Variants in DOCK7 observed in about 807,000 individuals in gnomAD.
DOCK7 encodes dedicator of cytokinesis 7, also known as dedicator of cytokinesis protein 7.
DOCK7 carries 138 observed loss-of-function variants against 271.0 expected under a neutral mutation model. The observed-to-expected ratio is 0.51, with a 90% CI of 0.44 to 0.59. The LOEUF (loss-of-function observed/expected upper bound fraction) is 0.59, where lower values mean the gene tolerates loss of function less well. Among genes scored for constraint, DOCK7 ranks in the 20% least tolerant of loss-of-function variants. The probability of loss-of-function intolerance (pLI) is 0.00; values close to 1 mark genes in which losing one functional copy is unlikely to be tolerated. For missense variants in DOCK7, 2,066 were observed against 2,592.4 expected (o/e 0.80, Z 4.41); for synonymous variants, 823 against 876.1 (o/e 0.94, Z 1.07).
In DOCK7 at chr1:62,618,800, G is replaced by C; in HGVS notation, c.1588C>G (p.Gln530Glu). The change falls in exon 14 of 50, where the codon CAA (glutamine) becomes GAA (glutamate). Residue 530 changes from glutamine to glutamate, a missense_variant. Gln to Glu is a conservative substitution (Grantham distance 29, BLOSUM62 2). Transcript: ENST00000635253. Reference protein sequence around the residue: ...PHYCLTPELLQVKLYPDSRVR... With the variant: ...PHYCLTPELLEVKLYPDSRVR... ...CTACTGTCAGGGTAAAGCTTCACTTGAAGCAGCTCCGGAGTTAGGCAATAA... is the reference window on the plus strand; with the variant it reads ...CTACTGTCAGGGTAAAGCTTCACTTCAAGCAGCTCCGGAGTTAGGCAATAA... The C allele has an allele frequency of 6.2e-7, 1 of 1,613,744 alleles. No individual in the cohort carries two copies. The highest frequency in any genetic ancestry group is 1.1e-5 in the South Asian group (1 of 91,074).
At chr1:62,667,327 T>C (rs893476244) in intron 1 of DOCK7, among the ~76,000 whole-genome samples, 2 of 152,178 alleles carry the variant, frequency 1.3e-5, no homozygotes, top group African/African-American at 4.8e-5. Context: ...CTGGCATTAT[T>C]TGTATCTGAG....
intron 31 of DOCK7, among the ~76,000 whole-genome samples, chr1:62,515,495 A>G (rs1644635436): frequency 6.6e-6 from 1 of 152,204 alleles, no homozygotes; most frequent in Non-Finnish European, 1.5e-5. Context: ...CCTATTTTTT[A>G]GAAATACAAT....
chr1:62,685,757 C>A (rs1028997298), intron 1 of DOCK7, among the ~76,000 whole-genome samples: 1 of 152,166 alleles, frequency 6.6e-6, no homozygotes. Context: ...TCCTGTACTC[C>A]CTTACCCCAA....
intron 18 of DOCK7, among the ~76,000 whole-genome samples, chr1:62,564,538 A>G (rs536326859): frequency 9.2e-5 from 14 of 152,310 alleles, no homozygotes; most frequent in Non-Finnish European, 1.8e-4. Context: ...AATCTCTGGG[A>G]CACATTTAAA....
intron 22 of DOCK7, among the ~76,000 whole-genome samples, chr1:62,549,013 C>G (rs1645804571): frequency 1.3e-5 from 2 of 151,944 alleles, no homozygotes; most frequent in South Asian, 4.2e-4. Flanking sequence ...GTATTTAAAG[C>G]CATGGAACCT....
At chr1:62,594,351 C>T (rs1016551481) in intron 14 of DOCK7, among the ~76,000 whole-genome samples, 2 of 128,708 alleles carry the variant, frequency 1.6e-5, no homozygotes, top group Non-Finnish European at 3.2e-5. Context: ...ATCAATAATG[C>T]TGTTCAAATT....
At chr1:62,657,612 C>T (rs532606866) in intron 2 of DOCK7, among the ~76,000 whole-genome samples, 23 of 152,140 alleles carry the variant, frequency 1.5e-4, no homozygotes, top group African/African-American at 5.5e-4. Context: ...ACAAAGATTT[C>T]AAGGCAAACA....
intron 7 of DOCK7, among the ~76,000 whole-genome samples, chr1:62,640,392 G>A (rs1274797037): frequency 6.6e-6 from 1 of 152,094 alleles, no homozygotes; most frequent in Non-Finnish European, 1.5e-5. Context: ...CATGGTGGCA[G>A]GCGCCTGTAG....
At chr1:62,604,583 T>C (rs1479324144) in intron 14 of DOCK7, 3 of 1,551,112 alleles carry the variant, frequency 1.9e-6, no homozygotes, top group Non-Finnish European at 2.7e-6. Context: ...ACAGTAACAG[T>C]AACTACATAC....
intron 7 of DOCK7, among the ~76,000 whole-genome samples, chr1:62,637,996 T>C (rs989282629): frequency 6.6e-5 from 10 of 152,284 alleles, no homozygotes; most frequent in Middle Eastern, 3.4e-3. Context: ...CCTGTCCACG[T>C]GTCAACCTCT....
At chr1:62,651,709 T>A (rs1224916783) in intron 4 of DOCK7, among the ~76,000 whole-genome samples, 4 of 152,112 alleles carry the variant, frequency 2.6e-5, no homozygotes, top group Non-Finnish European at 4.4e-5. Flanking sequence ...TGCACATTAT[T>A]CTCATGTATG....
chr1:62,486,023 A>G (rs1379208251), intron 43 of DOCK7: 1 of 152,124 alleles, frequency 6.6e-6, no homozygotes, highest in Admixed American at 6.5e-5. Context: ...GAAACTAGTA[A>G]TAAACTGCTC....
At chr1:62,620,077 T>C (rs1652962797) in intron 12 of DOCK7, 84 bp from the exon 13 acceptor site, 4 of 1,101,380 alleles carry the variant, frequency 3.6e-6, no homozygotes, top group Non-Finnish European at 5.3e-6. Context: ...CCTAGCACTT[T>C]GGGAGGCTGA....
At chr1:62,587,774 T>C (rs373948393) in intron 14 of DOCK7, among the ~76,000 whole-genome samples, 9 of 152,184 alleles carry the variant, frequency 5.9e-5, no homozygotes, top group African/African-American at 1.9e-4. Flanking sequence ...GCAGGATGTA[T>C]AGTAACATTA....
At chr1:62,515,072 ATTAAG>A (rs2149343417) in intron 31 of DOCK7, among the ~76,000 whole-genome samples, 1 of 151,624 alleles carries the variant, frequency 6.6e-6, no homozygotes, top group African/African-American at 2.4e-5. Flanking sequence ...CTTTATGTGT[ATTAAG>A]TTATTTATCC....
chr1:62,541,419 A>G (rs557911116), intron 25 of DOCK7, among the ~76,000 whole-genome samples: 2 of 152,198 alleles, frequency 1.3e-5, no homozygotes, highest in Admixed American at 6.5e-5. Flanking sequence ...TTTGAACTGC[A>G]TGAGTCCACT....
At chr1:62,542,533 A>C (rs1250273361) in intron 25 of DOCK7, 75 bp downstream of exon 25, 3 of 1,406,864 alleles carry the variant, frequency 2.1e-6, no homozygotes, top group Admixed American at 2.1e-5. Flanking sequence ...AAGATTTCTA[A>C]GGTAACAAAT....
chr1:62,526,886 G>A (rs1645026249), intron 31 of DOCK7, among the ~76,000 whole-genome samples: 1 of 152,128 alleles, frequency 6.6e-6, no homozygotes, highest in African/African-American at 2.4e-5. Context: ...TCTATAGATA[G>A]AAGTAGGTTA....
rs781258255 is a variant in DOCK7 at position 62,535,600 on chromosome 1, T to C, written c.3504A>G (p.Gln1168=). 1.9e-6 allele frequency: 3 copies of C among 1,613,982 alleles called. No homozygotes were observed. The East Asian group carries it at 6.7e-5, about 36-fold the overall frequency. Residue 1168 remains glutamine (Q), a synonymous_variant, in exon 29 of 50, where the codon CAA becomes CAG. Coordinates refer to ENST00000635253, the MANE Select transcript of DOCK7 (RefSeq NM_001367561.1). ...ATAATTCAAACATATTTGCAATCTT[T>C]TGGTCTTGTACATTCGTAGAAAATC... is the stretch of plus-strand genomic sequence containing the variant. The part of the protein sequence containing the change: ...SSGFSTNVQD[Q]KIANMFELSV...
Sources: allele counts gnomAD v4.1 joint callset (sites outside exome capture counted in the v4.1 genomes callset), GRCh38; gene constraint gnomAD v4.1.1; transcripts MANE v1.5; gene names NCBI Gene and HGNC (gene_info 2026-07-23, HGNC 2026-07-21).